ISG20L2: variants seen among roughly 807,000 people sequenced by gnomAD.
The protein encoded by ISG20L2 is interferon-stimulated 20 kDa exonuclease-like 2.
A neutral mutation model predicts 27.8 loss-of-function variants in ISG20L2; 14 were observed. That is an observed-to-expected ratio of 0.50 (90% CI 0.33 to 0.79). ISG20L2 has a LOEUF of 0.79. ISG20L2 is among the 30% of genes least tolerant of loss of function. ISG20L2 has a pLI of 0.02. For missense variants in ISG20L2, 393 were observed against 435.1 expected (o/e 0.90, Z 0.86); for synonymous variants, 157 against 165.7 (o/e 0.95, Z 0.40).
rs779584129 is a variant in ISG20L2 at position 156,727,242 on chromosome 1, C to G, written c.411G>C (p.Gln137His). 4.3e-6 allele frequency: 7 copies of G among 1,613,924 alleles called. No homozygotes were observed. The highest frequency in any genetic ancestry group is 1.3e-5 in the African/African-American group (1 of 74,922). ...AGGATTTCTTCTGGGAGCTCTTCTT[C>G]TGAGAGCGGGTTGGGTGGCTATTGA... Reference protein sequence around the residue: ...PKINSHPTRSQKKSSQKKSSK... With the variant: ...PKINSHPTRSHKKSSQKKSSK... Residue 137 changes from glutamine (Q) to histidine (H), a missense_variant, in exon 2 of 4, where the codon CAG becomes CAC. Gln to His is a conservative substitution (Grantham distance 24, BLOSUM62 0). Transcript: ENST00000368219.
At position 156,723,468 on chromosome 1, in the gene ISG20L2, C is replaced by T; in HGVS notation, c.949-6G>A. ...GAATGTCCGCTCTTCCCAACCTGAG[C>T]AAGCAAGGAAGACAAGAGCATGAAG... On this transcript the variant is annotated splice_region_variant and splice_polypyrimidine_tract_variant and intron_variant, in intron 3 of 3. Transcript: ENST00000368219. The T allele has an allele frequency of 6.2e-7, 1 of 1,614,114 alleles. No individual in the cohort carries two copies. Among genetic ancestry groups the T allele is most frequent in the Non-Finnish European group, 8.5e-7 (1 of 1,179,998 alleles).
rs202133144 is a variant in ISG20L2 at position 156,723,378 on chromosome 1, G to T, written c.1033C>A (p.His345Asn). 6.7e-5 allele frequency: 108 copies of T among 1,614,148 alleles called. No individual in the cohort carries two copies. The highest frequency in any genetic ancestry group is 3.8e-4 in the South Asian group (35 of 91,072). The change falls in exon 4 of 4, where the codon CAC becomes AAC. Residue 345 changes from histidine to asparagine, a missense_variant. This residue lies in a region of ISG20L2 where 171 missense variants were observed against 195.3 expected (regional missense o/e 0.88). Transcript: ENST00000368219. The stretch of plus-strand genomic sequence containing the variant: ...TCTGTAGGGGGATTCCGGGCTAGGT[G>T]CTCTTCCCACTCGACTTCAACCAAC... ...YKLVEVEWEE[H>N]LARNPPTD
chr1:156,723,140 G>A lies in ISG20L2; in HGVS notation c.*209C>T, dbSNP rs986778405. The A allele has an allele frequency of 3.3e-6, 2 of 610,274 alleles. No homozygotes were observed. The highest frequency in any genetic ancestry group is 1.8e-5 in the African/African-American group (1 of 54,070). 37.8% of individuals were successfully genotyped at this position (610,274 alleles called of 1,614,324 possible). On this transcript the variant is annotated 3_prime_UTR_variant, in exon 4 of 4. Coordinates refer to ENST00000368219, the MANE Select transcript of ISG20L2 (RefSeq NM_001370150.2). The stretch of plus-strand genomic sequence containing the variant: ...TATAGGGTTGGGTTCTGACGTGAAG[G>A]CTTTCCCCTTCCATGGGACACTTAA...
At chr1:156,726,138 C>T (rs925891264) in intron 2 of ISG20L2, 2 of 985,356 alleles carry the variant, frequency 2.0e-6, no homozygotes, top group Non-Finnish European at 2.4e-6. Context: ...ATGCCGTTCA[C>T]TGGTTACCTG....
At chr1:156,723,814 C>T (rs1280701498) in intron 3 of ISG20L2, 1 of 1,240,774 alleles carries the variant, frequency 8.1e-7, no homozygotes, top group Non-Finnish European at 1.0e-6. Flanking sequence ...ATCTTCCTGC[C>T]AGATGGGCCA....
In ISG20L2 at chr1:156,727,079, T is replaced by G. The variant is rs1252138287; in HGVS notation, c.574A>C (p.Lys192Gln). The G allele has an allele frequency of 1.2e-6, 2 of 1,614,188 alleles. No homozygotes were observed. Among genetic ancestry groups the G allele is most frequent in the Non-Finnish European group, 1.7e-6 (2 of 1,180,034 alleles). ...CGAGCCAAGGAACTAACATGCCCCT[T>G]TGGTCCTGTGCCCACCATCTCACAG... is the stretch of plus-strand genomic sequence containing the variant. ...IDCEMVGTGP[K>Q]GHVSSLARCS... Residue 192 changes from lysine to glutamine, a missense_variant, in exon 2 of 4, where the codon AAG (lysine) becomes CAG (glutamine). Lys to Gln is a moderately conservative substitution (Grantham distance 53, BLOSUM62 1). This residue lies in a region of ISG20L2 where 39 missense variants were observed against 71.6 expected (regional missense o/e 0.54). Coordinates refer to ENST00000368219, the MANE Select transcript of ISG20L2 (RefSeq NM_001370150.2).
Position 156,727,274 on chromosome 1 carries a change from GA to G in ISG20L2, c.378del (p.Pro127GlnfsTer112). 3.1e-6 allele frequency: 5 copies of G among 1,614,106 alleles called. No individual in the cohort carries two copies. The highest frequency in any genetic ancestry group is 4.2e-6 in the Non-Finnish European group (5 of 1,180,018). On this transcript the variant is annotated frameshift_variant, in exon 2 of 4. Coordinates refer to ENST00000368219, the MANE Select transcript of ISG20L2 (RefSeq NM_001370150.2). LOFTEE classifies it high-confidence loss of function. ...CGGGTTGGGTGGCTATTGATCTTTG[GA>G]AGGGCACTCTGGAACTCCCCCAGCA... ...VDLLGEFQSALPKINSHPTRS... is the reference protein window; with the variant it reads ...VDLLGEFQSAXPKINSHPTRS...
Position 156,727,256 on chromosome 1 carries a change from G to T in ISG20L2, c.397C>A (p.Pro133Thr), listed in dbSNP as rs769780965. 1 of 1,614,038 alleles carries T rather than the reference G, an allele frequency of 6.2e-7. No individual in the cohort carries two copies. The highest frequency in any genetic ancestry group is 2.2e-5 in the East Asian group (1 of 44,890). ...QSALPKINSH[P>T]TRSQKKSSQK... ...GAGCTCTTCTTCTGAGAGCGGGTTG[G>T]GTGGCTATTGATCTTTGGAAGGGCA... Residue 133 changes from proline to threonine, a missense_variant, in exon 2 of 4, where the codon CCA becomes ACA. Around this residue, in one of 3 missense-constraint regions of ISG20L2, gnomAD observed 183 missense variants for 168.2 expected, o/e 1.09. Transcript: ENST00000368219.
At chr1:156,724,435 C>T (rs1237991528) in intron 2 of ISG20L2, 87 bp from the exon 3 acceptor site, 15 of 1,394,412 alleles carry the variant, frequency 1.1e-5, no homozygotes, top group Non-Finnish European at 1.3e-5. Flanking sequence ...CCATCAATCC[C>T]TTCTGGATTC....
intron 2 of ISG20L2, chr1:156,725,778 T>C (rs1648726013): frequency 4.0e-6 from 3 of 753,386 alleles, no homozygotes; most frequent in South Asian, 1.2e-4. Flanking sequence ...GCCTCTCCTA[T>C]GCCTTTGCTT....
At position 156,727,544 on chromosome 1, in the gene ISG20L2, G is replaced by T; in HGVS notation, c.109C>A (p.Arg37=). 4 of 1,614,136 alleles carry T rather than the reference G, an allele frequency of 2.5e-6. No individual in the cohort carries two copies. The highest frequency in any genetic ancestry group is 3.4e-6 in the Non-Finnish European group (4 of 1,180,020). The change falls in exon 2 of 4, where the codon CGG becomes AGG. Residue 37 remains arginine (R), a synonymous_variant. Coordinates refer to ENST00000368219, the MANE Select transcript of ISG20L2 (RefSeq NM_001370150.2). ...TTCTTTTTACTCAGAAAGCCTCTCC[G>T]TTCTAAGAGCCTCCGCTTCTTGACA... ...NFVKKRRLLE[R]RGFLSKKNQP... is the part of the protein sequence containing the mutation.
At chr1:156,723,977 T>G in intron 3 of ISG20L2, 171 bp downstream of exon 3, 1 of 1,187,900 alleles carries the variant, frequency 8.4e-7, no homozygotes, top group Non-Finnish European at 1.2e-6. Context: ...TTTGAAACAT[T>G]CTATGAGGTA....
chr1:156,726,293 G>A lies in ISG20L2; in HGVS notation c.747+613C>T, dbSNP rs1003166022. The A allele has an allele frequency of 1.6e-5, 16 of 985,284 alleles. No individual in the cohort carries two copies. The African/African-American group carries it at 2.3e-4, about 14-fold the overall frequency. The allele number at this position is 985,284 out of a possible 1,614,324, so 61.0% of individuals were successfully genotyped here. ...CTCTCTCAAGCTTAGGCTCCAACTC[G>A]CAAGGTTTTTCCAAATCAAGCCCTT... On this transcript the variant is annotated intron_variant, in intron 2 of 3. Transcript: ENST00000368219.
rs1489485920 is a variant in ISG20L2, at chr1:156,722,302, C to T, written c.*1047G>A. On this transcript the variant is annotated 3_prime_UTR_variant, in exon 4 of 4. Transcript: ENST00000368219. ...TTGAGACAGAGTCTCGCTCTGTGGCCGTGGCCCAGGCTGGAGTGCAGTGGC... is the reference window on the plus strand; with the variant it reads ...TTGAGACAGAGTCTCGCTCTGTGGCTGTGGCCCAGGCTGGAGTGCAGTGGC... 3 of 151,704 alleles carry T rather than the reference C, an allele frequency of 2.0e-5. No homozygotes were observed. Among genetic ancestry groups the T allele is most frequent in the Admixed American group, 6.6e-5 (1 of 15,220 alleles). 9.4% of individuals were successfully genotyped at this position (151,704 alleles called of 1,614,324 possible). A position where few individuals can be genotyped will look rare whatever the true frequency, so the allele number is the denominator to read the frequency against.
At chr1:156,724,030 C>A in intron 3 of ISG20L2, 118 bp downstream of exon 3, 1 of 1,151,972 alleles carries the variant, frequency 8.7e-7, no homozygotes. Flanking sequence ...GAGCTCTTCC[C>A]ATCACAGCAG....
At chr1:156,726,544 G>A (rs557675543) in intron 2 of ISG20L2, 321 of 736,762 alleles carry the variant, frequency 4.4e-4, no homozygotes, top group Non-Finnish European at 5.1e-4. Context: ...CTACAGGCAT[G>A]TACCACACTT....
intron 2 of ISG20L2, chr1:156,725,776 T>C: frequency 1.3e-6 from 1 of 742,900 alleles, no homozygotes; most frequent in Non-Finnish European, 1.6e-6. Flanking sequence ...CTGCCTCTCC[T>C]ATGCCTTTGC....
intron 1 of ISG20L2, 34 bp downstream of exon 1, chr1:156,728,381 G>A (rs1648912764): frequency 1.0e-6 from 1 of 985,620 alleles, no homozygotes; most frequent in South Asian, 4.7e-5. Flanking sequence ...GGATCCCCGC[G>A]GTACAGATCG....
chr1:156,726,556 G>C (rs914336051), intron 2 of ISG20L2: 18 of 770,332 alleles, frequency 2.3e-5, no homozygotes, highest in Middle Eastern at 6.6e-4. Context: ...ACCACACTTG[G>C]CTAACTTTTT....
Sources: gnomAD v4.1 joint callset for allele counts on GRCh38, gnomAD v4.1.1 for gene constraint, gnomAD v4.1.1 regional missense constraint, MANE v1.5 for transcripts, NCBI Gene and HGNC (gene_info 2026-07-23, HGNC 2026-07-21) for gene names.